VILL: variants seen among roughly 807,000 people sequenced by gnomAD.
VILL encodes villin-like protein.
A neutral mutation model predicts 106.3 loss-of-function variants in VILL; 102 were observed. That is an observed-to-expected ratio of 0.96 (90% CI 0.82 to 1.13). VILL has a LOEUF of 1.13. Among genes scored for constraint, VILL ranks in the 50% most tolerant of loss-of-function variants. The pLI is 0.00. For missense variants in VILL, 1,076 were observed against 1,116.6 expected, an observed-to-expected ratio of 0.96 and a Z score of 0.52; for synonymous variants, 431 against 440.3, an observed-to-expected ratio of 0.98 and a Z score of 0.27.
chr3:37,999,545 C>A, intron 11 of VILL, 106 bp downstream of exon 11: 1 of 828,340 alleles, frequency 1.2e-6, no homozygotes, highest in Non-Finnish European at 1.8e-6. Context: ...TGCACATCCA[C>A]ACACAATCAG....
intron 1 of VILL, among the ~76,000 whole-genome samples, chr3:37,992,203 C>A (rs957819533): frequency 3.3e-5 from 5 of 152,172 alleles, no homozygotes; most frequent in African/African-American, 1.2e-4. Flanking sequence ...CTGTCTGCAC[C>A]TCTGGTCACT....
Position 38,001,486 on chromosome 3 carries a change from C to A in VILL, c.1213C>A (p.Pro405Thr). ...GTGCATCCAGGACTTACACAGGCAG[C>A]CCGTGGACCCCAAGCGTCATGGACA... ...VWCIQDLHRQPVDPKRHGQLC... is the reference protein window; with the variant it reads ...VWCIQDLHRQTVDPKRHGQLC... Residue 405 changes from proline (P) to threonine (T), a missense_variant, in exon 12 of 20, where the codon CCC (proline) becomes ACC (threonine). Pro to Thr is a conservative substitution (Grantham distance 38, BLOSUM62 -1). Transcript: ENST00000383759. 6.2e-7 allele frequency: 1 copy of A among 1,614,206 alleles called. No individual in the cohort carries two copies. Among genetic ancestry groups the A allele is most frequent in the South Asian group, 1.1e-5 (1 of 91,090 alleles).
Position 37,998,991 on chromosome 3 carries a change from A to G in VILL, c.1022A>G (p.Lys341Arg). 5.0e-6 allele frequency: 8 copies of G among 1,608,314 alleles called. No homozygotes were observed. Among genetic ancestry groups the G allele is most frequent in the Non-Finnish European group, 6.8e-6 (8 of 1,177,496 alleles). Residue 341 changes from lysine (K) to arginine (R), a missense_variant, in exon 10 of 20, where the codon AAG becomes AGG. Transcript: ENST00000383759. This position sits in a 1 kb window ranked among gnomAD's most constrained non-coding sequence, Gnocchi z 4.1. ...GACGGCGCCGAGTCGGCCGCGTTCA[A>G]GCAGCTCTTCCGGACTTGGTCTGAG... ...VNDGAESAAF[K>R]QLFRTWSEKR...
intron 10 of VILL, 27 bp from the exon 11 acceptor site, chr3:37,999,312 C>T: frequency 6.7e-7 from 1 of 1,490,724 alleles, no homozygotes; most frequent in Non-Finnish European, 8.9e-7. Context: ...CAGAGGGCGC[C>T]ACTGACGCCT....
intron 5 of VILL, among the ~76,000 whole-genome samples, chr3:37,996,838 A>G (rs9829569): frequency 0.27 from 41,127 of 152,080 alleles, 6,608 homozygotes; most frequent in African/African-American, 0.45. Context: ...AAAGATAAAC[A>G]GATACACCCC....
chr3:37,994,301 A>T lies in VILL; in HGVS notation c.176A>T (p.Asp59Val). 1 of 1,611,722 alleles carries T rather than the reference A, an allele frequency of 6.2e-7. No homozygotes were observed. Reference sequence around the variant, plus strand: ...AAGGCCACGCAGGGGGCGTCCAGCGACCTGCACTACTGGGTCGGGAAGCAG... The same window carrying T: ...AAGGCCACGCAGGGGGCGTCCAGCGTCCTGCACTACTGGGTCGGGAAGCAG... The part of the protein sequence containing the change: ...SPKATQGASS[D>V]LHYWVGKQAG... Residue 59 changes from aspartate to valine, a missense_variant, in exon 4 of 20, where the codon GAC becomes GTC. Transcript: ENST00000383759.
At chr3:38,003,466 A>G in intron 15 of VILL, 153 bp downstream of exon 15, 1 of 1,025,866 alleles carries the variant, frequency 9.7e-7, no homozygotes, top group South Asian at 1.7e-5. Flanking sequence ...CCACAAGTAC[A>G]GCCCACGCTT....
intron 15 of VILL, 106 bp downstream of exon 15, chr3:38,003,419 G>A: frequency 1.5e-6 from 2 of 1,375,160 alleles, no homozygotes; most frequent in Non-Finnish European, 1.9e-6. Context: ...GACGAGACTA[G>A]AACCAAGGAC....
Position 37,997,277 on chromosome 3 carries a change from G to A in VILL, c.561+90G>A, listed in dbSNP as rs910762694. 3 of 1,408,292 alleles carry A rather than the reference G, an allele frequency of 2.1e-6. No individual in the cohort carries two copies. In the African/African-American group the frequency reaches 4.2e-5, roughly 20 times the overall value. 87.2% of individuals were successfully genotyped at this position (1,408,292 alleles called of 1,614,324 possible). The stretch of plus-strand genomic sequence containing the variant: ...CATCCTCCGGCCACCCAAAGAGTTG[G>A]GCTTGGCTCTGCTACAACCCAAGAA... On this transcript the variant is annotated intron_variant, in intron 6 of 19. Transcript: ENST00000383759. This position sits in a 1 kb window ranked among gnomAD's most constrained non-coding sequence, Gnocchi z 4.7.
In VILL at chr3:38,007,095, A is replaced by G; in HGVS notation, c.*40A>G. 6.6e-7 allele frequency: 1 copy of G among 1,506,688 alleles called. No individual in the cohort carries two copies. Among genetic ancestry groups the G allele is most frequent in the African/African-American group, 1.4e-5 (1 of 72,908 alleles). The allele number at this position is 1,506,688 out of a possible 1,614,324, so 93.3% of individuals were successfully genotyped here. On this transcript the variant is annotated 3_prime_UTR_variant, in exon 20 of 20. Coordinates refer to ENST00000383759, the MANE Select transcript of VILL (RefSeq NM_015873.4). ...GACTGCCCCTATCCCCTGGACCCCA[A>G]CATACCTACAATGCTGGGGAGGCCC...
At position 38,001,456 on chromosome 3, in the gene VILL, G is replaced by T. The variant is rs149921874; in HGVS notation, c.1183G>T (p.Val395Leu). 238 of 1,614,022 alleles carry T rather than the reference G, an allele frequency of 1.5e-4. No homozygotes were observed. The East Asian group carries it at 3.4e-3, about 23-fold the overall frequency. Residue 395 changes from valine to leucine, a missense_variant and splice_region_variant, in exon 12 of 20, where the codon GTG (valine) becomes TTG (leucine). Transcript: ENST00000383759. ...MVDDGSGKVE[V>L]WCIQDLHRQP... ...TGCCCATTGGTCCCTTATTCCCCAG[G>T]TGTGGTGCATCCAGGACTTACACAG...
intron 10 of VILL, 25 bp downstream of exon 10, chr3:37,999,075 G>A (rs893340125): frequency 3.8e-6 from 5 of 1,310,576 alleles, no homozygotes; most frequent in Non-Finnish European, 5.1e-6. Context: ...CGGGGCTGAC[G>A]GGGGCGGGGC....
Position 38,001,368 on chromosome 3 carries a change from C to G in VILL, c.1183-88C>G. The G allele has an allele frequency of 2.5e-6, 4 of 1,569,240 alleles. No homozygotes were observed. The South Asian group carries it at 4.8e-5, about 19-fold the overall frequency. On this transcript the variant is annotated intron_variant, in intron 11 of 19. Coordinates refer to ENST00000383759, the MANE Select transcript of VILL (RefSeq NM_015873.4). Reference sequence around the variant, plus strand: ...GCGTGGATGAGGAAGGCCTCAGAGGCTGGGGAGAGCTTTCCGGTTGGGTAC... The same window carrying G: ...GCGTGGATGAGGAAGGCCTCAGAGGGTGGGGAGAGCTTTCCGGTTGGGTAC...
chr3:38,004,120 A>T, intron 15 of VILL, 135 bp from the exon 16 acceptor site: 1 of 1,256,898 alleles, frequency 8.0e-7, no homozygotes, highest in East Asian at 2.5e-5. Flanking sequence ...TCGGGGAGAA[A>T]CCACGGGGCT....
chr3:37,998,895 G>C lies in VILL; in HGVS notation c.943-17G>C. 6.3e-7 allele frequency: 1 copy of C among 1,584,108 alleles called. No homozygotes were observed. Among genetic ancestry groups the C allele is most frequent in the Non-Finnish European group, 8.6e-7 (1 of 1,158,432 alleles). On this transcript the variant is annotated splice_polypyrimidine_tract_variant and intron_variant, in intron 9 of 19. Coordinates refer to ENST00000383759, the MANE Select transcript of VILL (RefSeq NM_015873.4). This position sits in a 1 kb window ranked among gnomAD's most constrained non-coding sequence, Gnocchi z 4.1. ...GGACTCTCAGGGTCGCAGGACTGACGATGCCTTCCGCCCCAGGGCTTCATC... is the reference window on the plus strand; with the variant it reads ...GGACTCTCAGGGTCGCAGGACTGACCATGCCTTCCGCCCCAGGGCTTCATC...
At chr3:38,005,675 G>A in intron 16 of VILL, 117 bp from the exon 17 acceptor site, 1 of 1,156,558 alleles carries the variant, frequency 8.6e-7, no homozygotes, top group Non-Finnish European at 1.2e-6. Context: ...TGTCTGCTTG[G>A]CCAGGGATGT....
At chr3:38,005,134 G>T (rs1167584519) in intron 16 of VILL, among the ~76,000 whole-genome samples, 1 of 152,112 alleles carries the variant, frequency 6.6e-6, no homozygotes, top group Non-Finnish European at 1.5e-5. Context: ...TGTGTTCTCT[G>T]CATCTCTGTG....
chr3:38,004,253 A>T lies in VILL; in HGVS notation c.1806-2A>T, dbSNP rs1325346855. On this transcript the variant is annotated splice_acceptor_variant, in intron 15 of 19. Coordinates refer to ENST00000383759, the MANE Select transcript of VILL (RefSeq NM_015873.4). LOFTEE classifies it high-confidence loss of function. ...CACAGCCTTGCTGTCCGTGCTGGCC[A>T]GGCTCCCTGAGGAGGTCCCCAGCTT... The T allele has an allele frequency of 1.9e-6, 3 of 1,607,682 alleles. No individual in the cohort carries two copies. Among genetic ancestry groups the T allele is most frequent in the Non-Finnish European group, 2.6e-6 (3 of 1,174,992 alleles).
chr3:38,005,420 C>G (rs1385905614), intron 16 of VILL, among the ~76,000 whole-genome samples: 1 of 152,158 alleles, frequency 6.6e-6, no homozygotes, highest in Non-Finnish European at 1.5e-5. Context: ...ATGTGACTTG[C>G]TCTCTCATGA....
Sources: gnomAD v4.1 joint callset for allele counts (sites outside exome capture counted in the v4.1 genomes callset) on GRCh38, gnomAD v4.1.1 for gene constraint, Gnocchi (gnomAD v3.1) non-coding constraint, MANE v1.5 for transcripts, NCBI Gene and HGNC (gene_info 2026-07-23, HGNC 2026-07-21) for gene names.